Variants in CAMSAP2 observed in about 807,000 individuals in gnomAD.
CAMSAP2 encodes the protein calmodulin-regulated spectrin-associated protein 2.
CAMSAP2 carries 26 observed loss-of-function variants against 146.1 expected under a neutral mutation model. That is an observed-to-expected ratio of 0.18 (90% CI 0.13 to 0.25). The LOEUF (loss-of-function observed/expected upper bound fraction) is 0.25, where lower values mean the gene tolerates loss of function less well. Ranked by LOEUF, CAMSAP2 falls within the 10% of genes least tolerant of loss-of-function variation. The probability of loss-of-function intolerance (pLI) is 1.00; values close to 1 mark genes in which losing one functional copy is unlikely to be tolerated. For synonymous variants in CAMSAP2, 499 were observed against 596.6 expected (o/e 0.84, Z 2.38); for missense variants, 1,381 against 1,759.3 (o/e 0.78, Z 3.85).
chr1:200,802,414 A>T (rs1257604363), intron 2 of CAMSAP2, among the ~76,000 whole-genome samples: 2 of 152,190 alleles, frequency 1.3e-5, no homozygotes, highest in East Asian at 1.9e-4. Flanking sequence ...TTTTATCTCC[A>T]TGTAAATTAA....
intron 2 of CAMSAP2, among the ~76,000 whole-genome samples, chr1:200,790,352 T>G (rs1665716565): frequency 2.0e-5 from 3 of 152,018 alleles, no homozygotes; most frequent in African/African-American, 7.2e-5. Flanking sequence ...GCAGCGGGGC[T>G]GGGGGGAAGG....
At position 200,858,972 on chromosome 1, in the gene CAMSAP2, A is replaced by G. The variant is rs959378045; in HGVS notation, c.*913A>G. The stretch of plus-strand genomic sequence containing the variant: ...TGAAGATGTAAGACTTCCTGAAACA[A>G]GTTCTCAAGAAGTCTTTACATTATA... On this transcript the variant is annotated 3_prime_UTR_variant, in exon 17 of 17. Coordinates refer to ENST00000358823, the MANE Select transcript of CAMSAP2 (RefSeq NM_203459.4). 25 of 152,536 alleles carry G rather than the reference A, an allele frequency of 1.6e-4. No homozygotes were observed. Among genetic ancestry groups the G allele is most frequent in the Admixed American group, 7.9e-4 (12 of 15,276 alleles). The allele number at this position is 152,536 out of a possible 1,614,324, so 9.4% of individuals were successfully genotyped here.
At position 200,857,170 on chromosome 1, in the gene CAMSAP2, A is replaced by G. The variant is rs564309596; in HGVS notation, c.4013-136A>G. On this transcript the variant is annotated intron_variant, in intron 15 of 16. Transcript: ENST00000358823. This position sits in a 1 kb window ranked among gnomAD's most constrained non-coding sequence, Gnocchi z 4.7. The stretch of plus-strand genomic sequence containing the variant: ...TGTTTTGGTTGGATTGCAGCCAGTA[A>G]GAGGCCTTTAAGCACAGAATTTGGT... 29 of 677,782 alleles carry G rather than the reference A, an allele frequency of 4.3e-5. 1 individual carries two copies. The South Asian group carries it at 4.5e-4, about 11-fold the overall frequency. The allele number at this position is 677,782 out of a possible 1,614,324, so 42.0% of individuals were successfully genotyped here.
intron 2 of CAMSAP2, among the ~76,000 whole-genome samples, chr1:200,773,927 TAAAATAAAA>T (rs1665191640): frequency 6.7e-6 from 1 of 149,958 alleles, no homozygotes; most frequent in South Asian, 2.1e-4. Context: ...TAAAATAAAA[TAAAATAAAA>T]TAAAATAAAA....
chr1:200,800,198 G>C (rs1279110013), intron 2 of CAMSAP2, among the ~76,000 whole-genome samples: 3 of 152,166 alleles, frequency 2.0e-5, no homozygotes, highest in East Asian at 3.8e-4. Context: ...TTGGTCCAGA[G>C]CTGAGTTCAA....
intron 2 of CAMSAP2, among the ~76,000 whole-genome samples, chr1:200,773,402 C>T (rs1314588915): frequency 6.6e-6 from 1 of 152,000 alleles, no homozygotes; most frequent in Non-Finnish European, 1.5e-5. Flanking sequence ...TACAAGTGCA[C>T]ACCACCATGC....
chr1:200,832,238 G>A lies in CAMSAP2; in HGVS notation c.684G>A (p.Leu228=), dbSNP rs376824292. Residue 228 remains leucine, a synonymous_variant, in exon 5 of 17, where the codon CTG becomes CTA. Transcript: ENST00000358823. The surrounding 1 kb of genome is among the most constrained non-coding windows in gnomAD (Gnocchi z 4.2). ...AAGAGCAAACATTGCTTAAGCAACT[G>A]CCTTGCATTCCATTGGTAGAAAATT... ...YRKEQTLLKQ[L]PCIPLVENLL... is the part of the protein sequence containing the mutation. The A allele has an allele frequency of 5.6e-6, 9 of 1,613,068 alleles. No individual in the cohort carries two copies. The highest frequency in any genetic ancestry group is 1.3e-5 in the African/African-American group (1 of 74,804).
chr1:200,799,650 G>C (rs944029779), intron 2 of CAMSAP2, among the ~76,000 whole-genome samples: 2 of 151,886 alleles, frequency 1.3e-5, no homozygotes, highest in African/African-American at 2.4e-5. Flanking sequence ...TTTTTTGAAG[G>C]CTTTTTCATG....
Position 200,738,940 on chromosome 1 carries a change from A to G in CAMSAP2, c.-888A>G, listed in dbSNP as rs1354512319. Among the ~76,000 whole-genome samples, 11 of 149,124 alleles carry G rather than the reference A, an allele frequency of 7.4e-5. No individual in the cohort carries two copies. Among genetic ancestry groups the G allele is most frequent in the East Asian group, 2.0e-4 (1 of 4,926 alleles). ...TCCAGTGCCGCAGCCGGAAAACCGC[A>G]GCGGCGGCGGCGGCGGCTGAGGGGG... On this transcript the variant is annotated 5_prime_UTR_variant, in exon 1 of 17. Transcript: ENST00000358823.
At chr1:200,750,752 G>A (rs1664480298) in intron 1 of CAMSAP2, among the ~76,000 whole-genome samples, 1 of 151,806 alleles carries the variant, frequency 6.6e-6, no homozygotes, top group African/African-American at 2.4e-5. Flanking sequence ...AGTCTCGCGA[G>A]TAGCTGGGAT....
At position 200,799,457 on chromosome 1, in the gene CAMSAP2, A is replaced by C. The variant is rs965723141; in HGVS notation, c.400-7919A>C. ...CTTCTAGATTTTCTAGTTTATTCGC[A>C]TAGAGGTGTTTATAGTATTCTCTGA... On this transcript the variant is annotated intron_variant, in intron 2 of 16. Coordinates refer to ENST00000358823, the MANE Select transcript of CAMSAP2 (RefSeq NM_203459.4). Among the ~76,000 whole-genome samples the C allele has an allele frequency of 2.6e-5, 4 of 152,146 alleles. No individual in the cohort carries two copies. In the South Asian group the frequency reaches 8.3e-4, roughly 31 times the overall value.
rs991549422 is a variant in CAMSAP2 at position 200,854,905 on chromosome 1, A to G, written c.3896+16A>G. The G allele has an allele frequency of 1.3e-6, 2 of 1,578,780 alleles. No individual in the cohort carries two copies. The highest frequency in any genetic ancestry group is 1.4e-5 in the African/African-American group (1 of 73,912). ...GGACGCCAAGGTAAATCTATAACGT[A>G]TGAATATTTTTACAGAAAAGAATAT... On this transcript the variant is annotated intron_variant, in intron 14 of 16. Coordinates refer to ENST00000358823, the MANE Select transcript of CAMSAP2 (RefSeq NM_203459.4).
Position 200,856,092 on chromosome 1 carries a change from A to C in CAMSAP2, c.3979A>C (p.Thr1327Pro). 6.2e-7 allele frequency: 1 copy of C among 1,613,644 alleles called. No individual in the cohort carries two copies. ...AAAAGACTGGGAGAATGCATCAACA[A>C]CTTCTTCAGTGGCTTCTGGAACAGA... ...GEKDWENAST[T>P]SSVASGTEYT... is the part of the protein sequence containing the mutation. The change falls in exon 15 of 17, where the codon ACT becomes CCT. Residue 1327 changes from threonine (T) to proline (P), a missense_variant. Physicochemically the swap from Thr to Pro is conservative, Grantham distance 38. Around this residue, in one of 4 missense-constraint regions of CAMSAP2, gnomAD observed 560 missense variants for 715.9 expected, o/e 0.78. Transcript: ENST00000358823.
At chr1:200,790,851 CT>C (rs370202907) in intron 2 of CAMSAP2, among the ~76,000 whole-genome samples, 13 of 148,740 alleles carry the variant, frequency 8.7e-5, no homozygotes, top group East Asian at 2.0e-4. Flanking sequence ...ATTTTACCTC[CT>C]TTTTTTTTTG....
chr1:200,852,694 G>T lies in CAMSAP2; in HGVS notation c.3602+17G>T, dbSNP rs1571834202. 6.2e-7 allele frequency: 1 copy of T among 1,608,686 alleles called. No homozygotes were observed. The highest frequency in any genetic ancestry group is 2.2e-5 in the East Asian group (1 of 44,806). On this transcript the variant is annotated intron_variant, in intron 12 of 16. Transcript: ENST00000358823. ...GGAAACAAGGTAAAGGAAATTGCTG[G>T]CCCAGTGCTAGATCTGAACTTTAAT...
chr1:200,794,677 T>G (rs1298883082), intron 2 of CAMSAP2, among the ~76,000 whole-genome samples: 1 of 152,210 alleles, frequency 6.6e-6, no homozygotes, highest in Admixed American at 6.5e-5. Context: ...AGGGTCAAGT[T>G]GTATTGCCTC....
At position 200,739,528 on chromosome 1, in the gene CAMSAP2, G is replaced by T; in HGVS notation, c.-300G>T. 1 of 166,838 alleles carries T rather than the reference G, an allele frequency of 6.0e-6. No homozygotes were observed. The highest frequency in any genetic ancestry group is 1.3e-5 in the Non-Finnish European group (1 of 78,182). The allele number at this position is 166,838 out of a possible 1,614,324, so 10.3% of individuals were successfully genotyped here. On this transcript the variant is annotated 5_prime_UTR_variant, in exon 1 of 17. Coordinates refer to ENST00000358823, the MANE Select transcript of CAMSAP2 (RefSeq NM_203459.4). The surrounding 1 kb of genome is among the most constrained non-coding windows in gnomAD (Gnocchi z 4.8). ...GGCGGCCTCGCTCACACGCGGGCTC[G>T]CGGGGCGGGTGGCTCGGAGGGGCGC...
intron 2 of CAMSAP2, among the ~76,000 whole-genome samples, chr1:200,795,767 C>G (rs1337784148): frequency 6.6e-6 from 1 of 152,124 alleles, no homozygotes; most frequent in Non-Finnish European, 1.5e-5. Context: ...AAGATGTAAA[C>G]CAGATACTCA....
chr1:200,768,688 T>A (rs183396155), intron 2 of CAMSAP2, among the ~76,000 whole-genome samples: 1 of 152,204 alleles, frequency 6.6e-6, no homozygotes, highest in East Asian at 1.9e-4. Context: ...GGAGTCTTGC[T>A]CTGTCACCAG....
Sources: gnomAD v4.1 joint callset for allele counts (sites outside exome capture counted in the v4.1 genomes callset) on GRCh38, gnomAD v4.1.1 for gene constraint, gnomAD v4.1.1 regional missense constraint, Gnocchi (gnomAD v3.1) non-coding constraint, MANE v1.5 for transcripts, NCBI Gene and HGNC (gene_info 2026-07-23, HGNC 2026-07-21) for gene names.